The following SVOPL variants were observed in gnomAD, a reference collection of about 807,000 sequenced individuals.
The protein encoded by SVOPL is putative transporter SVOPL.
SVOPL carries 60 observed loss-of-function variants against 61.0 expected under a neutral mutation model. The ratio of observed to expected loss-of-function variants is 0.98; its 90% CI spans 0.80 to 1.22. The LOEUF (loss-of-function observed/expected upper bound fraction) is 1.22. SVOPL is among the 50% of genes most tolerant of loss of function. The pLI is 0.00. For missense variants in SVOPL, 662 were observed against 643.9 expected (o/e 1.03, Z -0.30); for synonymous variants, 279 against 250.0 (o/e 1.12, Z -1.09).
At chr7:138,694,161 T>C (rs1339612000) in intron 1 of SVOPL, among the ~76,000 whole-genome samples, 1 of 152,212 alleles carries the variant, frequency 6.6e-6, no homozygotes, top group Non-Finnish European at 1.5e-5. Flanking sequence ...GACTGAGCAG[T>C]TTCACTCTGA....
intron 7 of SVOPL, among the ~76,000 whole-genome samples, chr7:138,654,267 A>G (rs1045275300): frequency 1.3e-5 from 2 of 152,232 alleles, no homozygotes; most frequent in Non-Finnish European, 2.9e-5. Flanking sequence ...AATAGCTAGA[A>G]GAGAATAATT....
chr7:138,622,185 T>A (rs1799669849), intron 13 of SVOPL, among the ~76,000 whole-genome samples: 2 of 92,450 alleles, frequency 2.2e-5, no homozygotes, highest in Admixed American at 1.0e-4. Flanking sequence ...TGTCTATGTA[T>A]CTATCTATCT....
intron 9 of SVOPL, among the ~76,000 whole-genome samples, chr7:138,634,493 A>AG (rs1296050326): frequency 6.6e-6 from 1 of 151,802 alleles, no homozygotes; most frequent in Non-Finnish European, 1.5e-5. Flanking sequence ...GAAAAAAAAA[A>AG]AAAAATTAGC....
rs750154605 is a variant in SVOPL at position 138,644,801 on chromosome 7, A to G, written c.705T>C (p.Thr235=). 2 of 1,614,148 alleles carry G rather than the reference A, an allele frequency of 1.2e-6. No homozygotes were observed. The highest frequency in any genetic ancestry group is 1.3e-5 in the African/African-American group (1 of 75,028). Residue 235 remains threonine, a synonymous_variant, in exon 9 of 16, where the codon ACT becomes ACC. Coordinates refer to ENST00000674285, the MANE Select transcript of SVOPL (RefSeq NM_001139456.2). The part of the protein sequence containing the change: ...SARFNVSTGN[T]RAALATLERV... Reference sequence around the variant, plus strand: ...GCTCCAGAGTGGCCAGGGCAGCCCGAGTGTTCCCAGTGGAGACATTGAACC... The same window carrying G: ...GCTCCAGAGTGGCCAGGGCAGCCCGGGTGTTCCCAGTGGAGACATTGAACC...
At chr7:138,693,612 G>GGAAAGAAAGAAAA (rs1291779341) in intron 1 of SVOPL, among the ~76,000 whole-genome samples, 1 of 115,084 alleles carries the variant, frequency 8.7e-6, no homozygotes, top group Admixed American at 9.3e-5. Context: ...AAAGAAAAAA[G>GGAAAGAAAGAAAA]AAAGAAAGAA....
chr7:138,690,122 T>C (rs1291523062), intron 1 of SVOPL, among the ~76,000 whole-genome samples: 1 of 152,142 alleles, frequency 6.6e-6, no homozygotes, highest in Non-Finnish European at 1.5e-5. Context: ...GCCAAAACCT[T>C]GGTCTCAGAC....
chr7:138,658,749 G>A (rs1354269008), intron 6 of SVOPL, among the ~76,000 whole-genome samples: 2 of 152,140 alleles, frequency 1.3e-5, no homozygotes, highest in Admixed American at 1.3e-4. Flanking sequence ...TGCTCCTGCT[G>A]GAGCATTAAA....
chr7:138,597,379 A>T, intron 14 of SVOPL: 2 of 397,284 alleles, frequency 5.0e-6, no homozygotes, highest in Non-Finnish European at 4.1e-6. Flanking sequence ...CCAAAGTCAC[A>T]TACAGATCCT....
intron 1 of SVOPL, among the ~76,000 whole-genome samples, chr7:138,688,734 A>G (rs1584870338): frequency 2.0e-5 from 3 of 152,300 alleles, no homozygotes; most frequent in African/African-American, 7.2e-5. Context: ...ACAGTTTGTC[A>G]GTTCCTCAAA....
At chr7:138,595,774 A>G (rs1253651622) in intron 15 of SVOPL, among the ~76,000 whole-genome samples, 2 of 152,210 alleles carry the variant, frequency 1.3e-5, no homozygotes, top group African/African-American at 2.4e-5. Flanking sequence ...TAAGCACTCA[A>G]TGACTGGATC....
intron 7 of SVOPL, among the ~76,000 whole-genome samples, chr7:138,649,692 G>A (rs1283949614): frequency 6.6e-6 from 1 of 152,178 alleles, no homozygotes; most frequent in Non-Finnish European, 1.5e-5. Flanking sequence ...AGAAAAGTGT[G>A]ATAGAGTGGG....
intron 3 of SVOPL, among the ~76,000 whole-genome samples, chr7:138,675,428 G>A (rs187664762): frequency 0.013 from 1,901 of 151,500 alleles, 23 homozygotes; most frequent in South Asian, 0.064. Context: ...ATCTCGGATC[G>A]CTGCAACCTC....
intron 14 of SVOPL, among the ~76,000 whole-genome samples, chr7:138,618,602 A>C (rs1029207411): frequency 6.6e-6 from 1 of 152,176 alleles, no homozygotes; most frequent in South Asian, 2.1e-4. Flanking sequence ...CGGAGGTTGC[A>C]GTGAACCAAG....
chr7:138,655,085 G>T (rs576687806), intron 7 of SVOPL, among the ~76,000 whole-genome samples: 160 of 152,050 alleles, frequency 1.1e-3, no homozygotes, highest in African/African-American at 3.8e-3. Flanking sequence ...AGTTACTCAG[G>T]TGGCTGAGGT....
intron 4 of SVOPL, among the ~76,000 whole-genome samples, chr7:138,670,137 AT>A (rs1237641609): frequency 2.6e-5 from 4 of 152,152 alleles, no homozygotes; most frequent in Admixed American, 6.5e-5. Context: ...AACCAAATCC[AT>A]TTTGGCTTTA....
chr7:138,614,826 C>A (rs1465769280), intron 14 of SVOPL, among the ~76,000 whole-genome samples: 1 of 152,190 alleles, frequency 6.6e-6, no homozygotes, highest in Non-Finnish European at 1.5e-5. Flanking sequence ...GCTCGAGTCA[C>A]AAATGGGCTT....
intron 14 of SVOPL, among the ~76,000 whole-genome samples, chr7:138,608,340 A>G (rs537355015): frequency 6.6e-6 from 1 of 152,370 alleles, no homozygotes; most frequent in Admixed American, 6.5e-5. Context: ...TTAGAGTAAT[A>G]AAAAGAACAT....
intron 9 of SVOPL, among the ~76,000 whole-genome samples, chr7:138,641,814 T>TTATATATATATATATATATATATAACATA (rs10666134): frequency 8.3e-6 from 1 of 120,972 alleles, no homozygotes. Context: ...TATATATATG[T>TTATATATATATATATATATATATAACATA]TATATATATA....
At chr7:138,623,525 G>A (rs554395352) in intron 13 of SVOPL, among the ~76,000 whole-genome samples, 11 of 151,992 alleles carry the variant, frequency 7.2e-5, no homozygotes, top group Non-Finnish European at 1.6e-4. Flanking sequence ...GCGTGAACCC[G>A]GGAGGTGGAG....
Sources: allele counts gnomAD v4.1 joint callset (sites outside exome capture counted in the v4.1 genomes callset), GRCh38; gene constraint gnomAD v4.1.1; transcripts MANE v1.5; gene names NCBI Gene and HGNC (gene_info 2026-07-23, HGNC 2026-07-21).